Variants in GRIN3A observed in about 807,000 individuals in gnomAD.
The protein encoded by GRIN3A is glutamate ionotropic receptor NMDA type subunit 3A, also known as glutamate receptor ionotropic, NMDA 3A.
Under a neutral mutation model 92.4 loss-of-function variants are expected in GRIN3A, and 47 were observed. The ratio of observed to expected loss-of-function variants is 0.51; its 90% CI spans 0.40 to 0.65. The LOEUF (loss-of-function observed/expected upper bound fraction) is 0.65. Among genes scored for constraint, GRIN3A ranks in the 30% least tolerant of loss-of-function variants. The pLI is 0.00. For synonymous variants in GRIN3A, 527 were observed against 540.6 expected (o/e 0.97, Z 0.35); for missense variants, 1,324 against 1,393.1 (o/e 0.95, Z 0.79).
intron 3 of GRIN3A, among the ~76,000 whole-genome samples, chr9:101,660,030 T>C (rs967472894): frequency 1.3e-5 from 2 of 151,762 alleles, no homozygotes; most frequent in African/African-American, 4.8e-5. Context: ...GAATATACCA[T>C]TCCCCCCACC....
rs143300705 is a variant in GRIN3A, at chr9:101,623,730, G to A, written c.2499-297C>T. ...AGCCACTCTGAATTGAATAGGAAGC[G>A]CATAGAGAATGTTTATTCTTATTAC... On this transcript the variant is annotated intron_variant, in intron 4 of 8. Transcript: ENST00000361820. 2.7e-3 allele frequency among the ~76,000 whole-genome samples: 411 copies of A among 152,322 alleles called. 2 individuals are homozygous for A. Among genetic ancestry groups the A allele is most frequent in the African/African-American group, 9.3e-3 (386 of 41,584 alleles).
At chr9:101,615,193 G>GT (rs1314691883) in intron 5 of GRIN3A, among the ~76,000 whole-genome samples, 2 of 117,792 alleles carry the variant, frequency 1.7e-5, no homozygotes, top group East Asian at 2.2e-4. Flanking sequence ...GGACAGAATA[G>GT]TAAAAAAAAA....
chr9:101,692,625 T>G (rs555414896), intron 1 of GRIN3A, among the ~76,000 whole-genome samples: 9 of 152,288 alleles, frequency 5.9e-5, no homozygotes, highest in African/African-American at 1.9e-4. Context: ...TCCACTGCTT[T>G]TACCAGAGAT....
At chr9:101,663,818 A>G (rs1159527075) in intron 3 of GRIN3A, among the ~76,000 whole-genome samples, 1 of 151,550 alleles carries the variant, frequency 6.6e-6, no homozygotes, top group Non-Finnish European at 1.5e-5. Context: ...CTGTACAACA[A>G]TGATACTAGC....
At chr9:101,667,241 C>T (rs1829251398) in intron 3 of GRIN3A, among the ~76,000 whole-genome samples, 1 of 151,704 alleles carries the variant, frequency 6.6e-6, no homozygotes, top group Non-Finnish European at 1.5e-5. Flanking sequence ...GGAGGTAATA[C>T]ATTATATTAC....
chr9:101,671,533 A>G (rs923473545), intron 2 of GRIN3A, among the ~76,000 whole-genome samples: 44 of 152,148 alleles, frequency 2.9e-4, no homozygotes, highest in Non-Finnish European at 4.4e-5. Context: ...CTATTTATCT[A>G]TGTATCTATC....
intron 1 of GRIN3A, among the ~76,000 whole-genome samples, chr9:101,732,686 A>C (rs548317841): frequency 1.3e-5 from 2 of 152,310 alleles, no homozygotes; most frequent in African/African-American, 4.8e-5. Context: ...AGTAATTTCG[A>C]AAAGAAAATT....
intron 1 of GRIN3A, 119 bp from the exon 2 acceptor site, chr9:101,687,319 G>T: frequency 1.0e-6 from 1 of 975,008 alleles, no homozygotes; most frequent in Non-Finnish European, 1.6e-6. Context: ...ACATAGTTCT[G>T]GGATAAAATT....
intron 3 of GRIN3A, among the ~76,000 whole-genome samples, chr9:101,643,798 A>C (rs1828898368): frequency 6.6e-6 from 1 of 151,214 alleles, no homozygotes; most frequent in Admixed American, 6.6e-5. Context: ...TAAGCCAGAC[A>C]CATGAAAACA....
At chr9:101,732,227 C>A (rs902353437) in intron 1 of GRIN3A, among the ~76,000 whole-genome samples, 1 of 152,158 alleles carries the variant, frequency 6.6e-6, no homozygotes, top group African/African-American at 2.4e-5. Flanking sequence ...ACACTGCTTT[C>A]CTTATCAAGA....
intron 1 of GRIN3A, among the ~76,000 whole-genome samples, chr9:101,687,714 G>A (rs1338095752): frequency 2.0e-5 from 3 of 152,156 alleles, no homozygotes; most frequent in African/African-American, 7.2e-5. Flanking sequence ...CCAGCCCCTT[G>A]AGGAAGACAC....
chr9:101,686,722 AT>A lies in GRIN3A; in HGVS notation c.1177del (p.Met393TrpfsTer8). 6.2e-7 allele frequency: 1 copy of A among 1,614,188 alleles called. No individual in the cohort carries two copies. The highest frequency in any genetic ancestry group is 8.5e-7 in the Non-Finnish European group (1 of 1,180,024). ...SVFEHYVQDA[M>X]ELVARAVATA... ...GGCTACAGCTCTTGCGACCAGCTCC[AT>A]AGCATCTTGTACGTAGTGCTCAAAG... On this transcript the variant is annotated frameshift_variant, in exon 2 of 9. Transcript: ENST00000361820. LOFTEE classifies it high-confidence loss of function.
At chr9:101,660,634 A>G (rs181234952) in intron 3 of GRIN3A, among the ~76,000 whole-genome samples, 6 of 151,834 alleles carry the variant, frequency 4.0e-5, no homozygotes, top group Middle Eastern at 3.2e-3. Context: ...ATCTTCTCAC[A>G]TGAGAAGACA....
intron 6 of GRIN3A, chr9:101,594,834 ACTT>A (rs751980614): frequency 6.2e-7 from 1 of 1,609,500 alleles, no homozygotes. Flanking sequence ...TCCAAGTCCA[ACTT>A]CTTAAACCTC....
Position 101,573,457 on chromosome 9 carries a change from T to A in GRIN3A, c.3065A>T (p.Asp1022Val), listed in dbSNP as rs900402354. 1.2e-6 allele frequency: 2 copies of A among 1,614,088 alleles called. No individual in the cohort carries two copies. Among genetic ancestry groups the A allele is most frequent in the African/African-American group, 2.7e-5 (2 of 75,032 alleles). Residue 1022 changes from aspartate to valine, a missense_variant, in exon 9 of 9, where the codon GAC becomes GTC. Asp to Val is a radical substitution (Grantham distance 152, BLOSUM62 -3). Coordinates refer to ENST00000361820, the MANE Select transcript of GRIN3A (RefSeq NM_133445.3). ...ACTAAAGATGTATTTCCGTCGGTTG[T>A]CATGACTCAGATTGGAAGTATTCCA... ...TVWNTSNLSHDNRRKYIFSDE... is the reference protein window; with the variant it reads ...TVWNTSNLSHVNRRKYIFSDE...
chr9:101,722,138 G>C (rs564868267), intron 1 of GRIN3A, among the ~76,000 whole-genome samples: 95 of 152,324 alleles, frequency 6.2e-4, no homozygotes, highest in African/African-American at 2.2e-3. Flanking sequence ...TGTCCCAGCT[G>C]CTCCAGCTGT....
chr9:101,598,062 A>G (rs1828162769), intron 6 of GRIN3A, among the ~76,000 whole-genome samples: 1 of 152,218 alleles, frequency 6.6e-6, no homozygotes, highest in South Asian at 2.1e-4. Flanking sequence ...TGGAATAATA[A>G]TCTATAGCAG....
intron 5 of GRIN3A, among the ~76,000 whole-genome samples, chr9:101,617,814 C>G (rs1167005684): frequency 7.2e-6 from 1 of 139,352 alleles, no homozygotes; most frequent in East Asian, 2.1e-4. Context: ...AACCCCACAA[C>G]AGTCCCCAGA....
chr9:101,576,026 G>A (rs1827821669), intron 8 of GRIN3A, among the ~76,000 whole-genome samples: 2 of 152,118 alleles, frequency 1.3e-5, no homozygotes, highest in African/African-American at 4.8e-5. Flanking sequence ...ATTTGATGTG[G>A]GTACCTATGA....
Sources: allele counts gnomAD v4.1 joint callset (sites outside exome capture counted in the v4.1 genomes callset), GRCh38; gene constraint gnomAD v4.1.1; transcripts MANE v1.5; gene names NCBI Gene and HGNC (gene_info 2026-07-23, HGNC 2026-07-21).